The following CSMD3 variants were observed in gnomAD, a reference collection of about 807,000 sequenced individuals.
CSMD3 encodes the protein CUB and Sushi multiple domains 3.
CSMD3 carries 177 observed loss-of-function variants against 435.2 expected under a neutral mutation model. The observed-to-expected ratio is 0.41, with a 90% CI of 0.36 to 0.46. The LOEUF is 0.46. Ranked by LOEUF, CSMD3 falls within the 20% of genes least tolerant of loss-of-function variation. CSMD3 has a pLI of 0.34. For missense variants in CSMD3, 4,265 were observed against 4,504.6 expected (o/e 0.95, Z 1.52); for synonymous variants, 1,656 against 1,520.5 (o/e 1.09, Z -2.07).
intron 23 of CSMD3, among the ~76,000 whole-genome samples, chr8:112,586,540 AT>A (rs942281293): frequency 1.9e-4 from 29 of 151,324 alleles, no homozygotes; most frequent in Non-Finnish European, 4.0e-4. Flanking sequence ...AACAAAGTAT[AT>A]TTTTTCTTAA....
In CSMD3 at chr8:112,284,526, T is replaced by A. The variant is rs1586651134; in HGVS notation, c.9331+2538A>T. 2.0e-5 allele frequency among the ~76,000 whole-genome samples: 3 copies of A among 151,716 alleles called. No homozygotes were observed. The South Asian group carries it at 6.2e-4, about 31-fold the overall frequency. Reference sequence around the variant, plus strand: ...AATCTTATTTCTAAGTTTTATATAATGTACATTTTCTCATATTGCTTCATG... The same window carrying A: ...AATCTTATTTCTAAGTTTTATATAAAGTACATTTTCTCATATTGCTTCATG... On this transcript the variant is annotated intron_variant, in intron 58 of 70. Transcript: ENST00000297405.
intron 13 of CSMD3, among the ~76,000 whole-genome samples, chr8:112,737,013 T>C (rs2077200447): frequency 6.6e-6 from 1 of 151,948 alleles, no homozygotes; most frequent in Non-Finnish European, 1.5e-5. Flanking sequence ...TTAATATTGT[T>C]AATATTTATC....
chr8:113,182,269 A>G (rs1009322893), intron 3 of CSMD3, among the ~76,000 whole-genome samples: 7 of 152,084 alleles, frequency 4.6e-5, no homozygotes, highest in African/African-American at 1.7e-4. Flanking sequence ...TGAGATAAGT[A>G]AGTTTTTAGT....
intron 35 of CSMD3, among the ~76,000 whole-genome samples, chr8:112,405,538 T>A (rs1329599194): frequency 6.6e-6 from 1 of 151,574 alleles, no homozygotes; most frequent in African/African-American, 2.4e-5. Context: ...ACTATTAAGA[T>A]ATCCATAATT....
At chr8:112,975,802 A>T (rs1359818784) in intron 7 of CSMD3, 35 bp downstream of exon 7, 4 of 1,611,636 alleles carry the variant, frequency 2.5e-6, no homozygotes, top group Non-Finnish European at 3.4e-6. Flanking sequence ...CTTTGGCTGT[A>T]ACTAAATGGG....
chr8:113,433,093 G>A (rs1188817061), intron 1 of CSMD3, among the ~76,000 whole-genome samples: 4 of 152,182 alleles, frequency 2.6e-5, no homozygotes, highest in Admixed American at 2.6e-4. Context: ...AACTACAGCA[G>A]GAGGGGGCCC....
intron 38 of CSMD3, among the ~76,000 whole-genome samples, chr8:112,364,141 T>C (rs1163326075): frequency 6.6e-6 from 1 of 152,020 alleles, no homozygotes; most frequent in East Asian, 1.9e-4. Context: ...ATAACAGTTA[T>C]GCTGAATTGA....
chr8:113,138,372 T>C (rs576499997), intron 4 of CSMD3, among the ~76,000 whole-genome samples: 3 of 151,628 alleles, frequency 2.0e-5, no homozygotes, highest in Admixed American at 6.6e-5. Flanking sequence ...CCTTAGCTTA[T>C]AAATGCTGGC....
chr8:112,887,371 A>G (rs1306114739), intron 10 of CSMD3, among the ~76,000 whole-genome samples: 1 of 151,090 alleles, frequency 6.6e-6, no homozygotes, highest in South Asian at 2.1e-4. Flanking sequence ...TTTTGAGGTA[A>G]TCTAATAGAG....
intron 3 of CSMD3, among the ~76,000 whole-genome samples, chr8:113,260,699 C>T (rs1471669315): frequency 6.6e-6 from 1 of 152,024 alleles, no homozygotes. Flanking sequence ...TGGTAGTTTG[C>T]TGCCCCTATC....
chr8:112,301,288 C>T (rs1586704109), intron 53 of CSMD3, among the ~76,000 whole-genome samples: 1 of 151,910 alleles, frequency 6.6e-6, no homozygotes, highest in East Asian at 1.9e-4. Flanking sequence ...AAGGGGAAAA[C>T]ATCCTAATTG....
intron 19 of CSMD3, among the ~76,000 whole-genome samples, chr8:112,645,969 C>G (rs1442993202): frequency 6.6e-6 from 1 of 152,046 alleles, no homozygotes; most frequent in Non-Finnish European, 1.5e-5. Flanking sequence ...TTGTTGACTC[C>G]TTATTCACTT....
At chr8:112,611,050 T>C (rs1316485276) in intron 22 of CSMD3, among the ~76,000 whole-genome samples, 6 of 152,196 alleles carry the variant, frequency 3.9e-5, no homozygotes, top group Admixed American at 6.6e-5. Flanking sequence ...GAGGATTTAC[T>C]ATGGACTAAA....
intron 4 of CSMD3, among the ~76,000 whole-genome samples, chr8:113,141,024 C>A (rs533214226): frequency 6.7e-6 from 1 of 149,280 alleles, no homozygotes; most frequent in Admixed American, 6.7e-5. Context: ...CACTAAAGAC[C>A]CTGAAGATAG....
intron 38 of CSMD3, among the ~76,000 whole-genome samples, chr8:112,368,945 G>A (rs533944826): frequency 6.6e-6 from 1 of 152,238 alleles, no homozygotes; most frequent in South Asian, 2.1e-4. Context: ...ACTTGAAAAT[G>A]TTAGCTTTTT....
intron 47 of CSMD3, 138 bp downstream of exon 47, chr8:112,318,699 A>G (rs1321499701): frequency 2.6e-5 from 17 of 647,794 alleles, no homozygotes; most frequent in Non-Finnish European, 4.1e-5. Context: ...GAAATAGCAC[A>G]TATGAGTTAT....
intron 2 of CSMD3, among the ~76,000 whole-genome samples, chr8:113,302,303 T>TA (rs1563672667): frequency 1.1e-4 from 12 of 105,984 alleles, no homozygotes; most frequent in African/African-American, 4.4e-4. Context: ...TAATATAATA[T>TA]ATATATTATA....
intron 52 of CSMD3, among the ~76,000 whole-genome samples, chr8:112,304,036 G>T (rs1452666412): frequency 6.6e-6 from 1 of 152,070 alleles, no homozygotes; most frequent in East Asian, 1.9e-4. Flanking sequence ...TGTTCTGTTA[G>T]CTTATGTATA....
rs1381511883 is a variant in CSMD3 at position 112,506,717 on chromosome 8, G to A, written c.4869C>T (p.Asp1623=). ...DCDWTITVNA[D]YVISLAFISF... is the part of the protein sequence containing the mutation. ...TGATGAACGCCAAGGAGATAACATA[G>A]TCTGCATTGACGGTGATAGTCCAGT... is the stretch of plus-strand genomic sequence containing the variant. The change falls in exon 29 of 71, where the codon GAC becomes GAT. Residue 1623 remains aspartate, a synonymous_variant. Transcript: ENST00000297405. 6.2e-7 allele frequency: 1 copy of A among 1,613,616 alleles called. No homozygotes were observed. The highest frequency in any genetic ancestry group is 2.2e-5 in the East Asian group (1 of 44,858).
Sources: gnomAD v4.1 joint callset for allele counts (sites outside exome capture counted in the v4.1 genomes callset) on GRCh38, gnomAD v4.1.1 for gene constraint, MANE v1.5 for transcripts, NCBI Gene and HGNC (gene_info 2026-07-23, HGNC 2026-07-21) for gene names.